SLC13A1: variants seen among roughly 807,000 people sequenced by gnomAD.
SLC13A1 encodes the protein solute carrier family 13 member 1.
In SLC13A1, 65 loss-of-function variants were observed where a neutral mutation model predicts 70.0. The observed-to-expected ratio is 0.93, with a 90% CI of 0.76 to 1.14. SLC13A1 has a LOEUF of 1.14. Among genes scored for constraint, SLC13A1 ranks in the 50% most tolerant of loss-of-function variants. The pLI is 0.00. For synonymous variants in SLC13A1, 275 were observed against 250.5 expected, an observed-to-expected ratio of 1.10 and a Z score of -0.92; for missense variants, 726 against 717.8, an observed-to-expected ratio of 1.01 and a Z score of -0.13.
At chr7:123,141,778 ATATATTTTT>A (rs1794158577) in intron 7 of SLC13A1, among the ~76,000 whole-genome samples, 1 of 151,992 alleles carries the variant, frequency 6.6e-6, no homozygotes, top group South Asian at 2.1e-4. Context: ...TTGGCATGGA[ATATATTTTT>A]CTATCTCTTT....
intron 2 of SLC13A1, among the ~76,000 whole-genome samples, chr7:123,178,515 C>T (rs1484004043): frequency 6.6e-6 from 1 of 152,070 alleles, no homozygotes; most frequent in Non-Finnish European, 1.5e-5. Flanking sequence ...TTAATTTGAT[C>T]ATGACAACAA....
At chr7:123,172,274 A>G (rs935512446) in intron 2 of SLC13A1, among the ~76,000 whole-genome samples, 4 of 152,210 alleles carry the variant, frequency 2.6e-5, no homozygotes, top group African/African-American at 9.6e-5. Flanking sequence ...ATGACCCATT[A>G]TGCTGTAACT....
At chr7:123,191,517 G>A (rs1012011582) in intron 1 of SLC13A1, among the ~76,000 whole-genome samples, 2 of 152,110 alleles carry the variant, frequency 1.3e-5, no homozygotes, top group African/African-American at 4.8e-5. Context: ...TGGGAAGGGA[G>A]GATCCTAATT....
At chr7:123,196,395 G>T (rs1796182862) in intron 1 of SLC13A1, among the ~76,000 whole-genome samples, 1 of 152,086 alleles carries the variant, frequency 6.6e-6, no homozygotes, top group South Asian at 2.1e-4. Context: ...TATTTATTAT[G>T]ACCACGGAAG....
intron 2 of SLC13A1, among the ~76,000 whole-genome samples, chr7:123,176,180 GTTAAAC>G (rs1252645988): frequency 3.3e-5 from 5 of 152,166 alleles, no homozygotes; most frequent in African/African-American, 1.2e-4. Flanking sequence ...AAAATTAGTT[GTTAAAC>G]TTAAGAAAAA....
intron 7 of SLC13A1, among the ~76,000 whole-genome samples, chr7:123,139,887 A>G (rs141177666): frequency 6.6e-6 from 1 of 151,906 alleles, no homozygotes; most frequent in East Asian, 1.9e-4. Context: ...TTCCTTTCCA[A>G]TTTGGGTGCC....
rs1585274336 is a variant in SLC13A1 at position 123,114,663 on chromosome 7, CACTT to C, written c.*851_*854del. The stretch of plus-strand genomic sequence containing the variant: ...TTATGTATTTCTGAACTAAGATAAA[CACTT>C]AAGCAAAGTTGTTACTCATATACGA... On this transcript the variant is annotated 3_prime_UTR_variant, in exon 15 of 15. Transcript: ENST00000194130. The C allele has an allele frequency of 6.6e-6, 1 of 152,004 alleles. No individual in the cohort carries two copies. Among genetic ancestry groups the C allele is most frequent in the African/African-American group, 2.4e-5 (1 of 41,382 alleles). The allele number at this position is 152,004 out of a possible 1,614,324, so 9.4% of individuals were successfully genotyped here.
intron 7 of SLC13A1, among the ~76,000 whole-genome samples, chr7:123,146,251 G>A (rs1304565909): frequency 6.6e-6 from 1 of 152,208 alleles, no homozygotes; most frequent in Non-Finnish European, 1.5e-5. Flanking sequence ...GTGGCCGGGT[G>A]CAGGGGCTCA....
In SLC13A1 at chr7:123,115,599, T is replaced by C; in HGVS notation, c.1707A>G (p.Ile569Met). The change falls in exon 15 of 15, where the codon ATA becomes ATG. Residue 569 changes from isoleucine to methionine, a missense_variant. Physicochemically the swap from Ile to Met is conservative, Grantham distance 10 (BLOSUM62 1). Transcript: ENST00000194130. The part of the protein sequence containing the change: ...IVGVAVVMLG[I>M]CTWIVPMFDL... ...CAAACATGGGTACAATCCAAGTACA[T>C]ATGCCAAGCATAACCACAGCAACAC... The C allele has an allele frequency of 6.2e-7, 1 of 1,613,852 alleles. No homozygotes were observed. Among genetic ancestry groups the C allele is most frequent in the Non-Finnish European group, 8.5e-7 (1 of 1,179,792 alleles).
chr7:123,149,661 A>T, intron 6 of SLC13A1: 1 of 455,846 alleles, frequency 2.2e-6, no homozygotes, highest in Non-Finnish European at 4.4e-6. Context: ...TGTGTGCTTG[A>T]TATTATAGTT....
intron 7 of SLC13A1, among the ~76,000 whole-genome samples, chr7:123,138,078 T>A (rs1794011188): frequency 6.6e-6 from 1 of 152,144 alleles, no homozygotes; most frequent in Admixed American, 6.6e-5. Flanking sequence ...CTATTATCCT[T>A]CCCAGTCTTT....
chr7:123,118,987 A>G lies in SLC13A1; in HGVS notation c.1512+94T>C, dbSNP rs28364218. 670 of 1,195,906 alleles carry G rather than the reference A, an allele frequency of 5.6e-4. 2 individuals are homozygous for G. The African/African-American group carries it at 9.3e-3, about 17-fold the overall frequency. 74.1% of individuals were successfully genotyped at this position (1,195,906 alleles called of 1,614,324 possible). The stretch of plus-strand genomic sequence containing the variant: ...TACTTACAGGAGGCCCATTTAGACC[A>G]AAAGAGATTCCATACCACAACATGA... On this transcript the variant is annotated intron_variant, in intron 13 of 14. Transcript: ENST00000194130.
rs573630044 is a variant in SLC13A1, at chr7:123,153,828, C to T, written c.661-6518G>A. Among the ~76,000 whole-genome samples the T allele has an allele frequency of 8.0e-4, 122 of 151,842 alleles. 1 individual carries two copies. Among genetic ancestry groups the T allele is most frequent in the African/African-American group, 2.9e-3 (119 of 41,428 alleles). On this transcript the variant is annotated intron_variant, in intron 6 of 14. Coordinates refer to ENST00000194130, the MANE Select transcript of SLC13A1 (RefSeq NM_022444.4). ...TACAAAATGATGTAAAATTTTAAAA[C>T]AAAAAATATTTCTACATATACACAT...
At chr7:123,157,142 G>T (rs182479435) in intron 6 of SLC13A1, among the ~76,000 whole-genome samples, 1 of 152,182 alleles carries the variant, frequency 6.6e-6, no homozygotes, top group African/African-American at 2.4e-5. Context: ...ATTATTGAAT[G>T]AAAGTACTAG....
At chr7:123,127,897 A>G (rs1427433641) in intron 10 of SLC13A1, among the ~76,000 whole-genome samples, 2 of 143,222 alleles carry the variant, frequency 1.4e-5, no homozygotes, top group African/African-American at 5.3e-5. Flanking sequence ...AAGTCCAAGT[A>G]AGACATGTGC....
chr7:123,149,350 AG>A, intron 6 of SLC13A1: 1 of 375,178 alleles, frequency 2.7e-6, no homozygotes, highest in Admixed American at 3.7e-5. Context: ...TAATTTTTCA[AG>A]AATGTGTCAA....
chr7:123,163,266 C>T (rs1191740265), intron 6 of SLC13A1, among the ~76,000 whole-genome samples: 2 of 152,038 alleles, frequency 1.3e-5, no homozygotes, highest in Admixed American at 1.3e-4. Context: ...CTCCCAGTAT[C>T]TTTTCTTGTC....
intron 9 of SLC13A1, among the ~76,000 whole-genome samples, chr7:123,129,173 A>C (rs567340691): frequency 2.0e-5 from 3 of 152,182 alleles, no homozygotes; most frequent in Admixed American, 2.0e-4. Flanking sequence ...TAGACAGGGT[A>C]TGTGTTTTAT....
intron 11 of SLC13A1, 76 bp downstream of exon 11, chr7:123,125,493 G>A: frequency 9.5e-7 from 1 of 1,049,454 alleles, no homozygotes; most frequent in Non-Finnish European, 1.4e-6. Context: ...TGCTCTAGGT[G>A]CCAAGCGAAA....
Sources: gnomAD v4.1 joint callset for allele counts (sites outside exome capture counted in the v4.1 genomes callset) on GRCh38, gnomAD v4.1.1 for gene constraint, MANE v1.5 for transcripts, NCBI Gene and HGNC (gene_info 2026-07-23, HGNC 2026-07-21) for gene names.